Variants in MRPL20 observed in about 807,000 individuals in gnomAD.
MRPL20 encodes mitochondrial ribosomal protein L20.
Under a neutral mutation model 20.0 loss-of-function variants are expected in MRPL20, and 21 were observed. That is an observed-to-expected ratio of 1.05 (90% CI 0.74 to 1.51). The LOEUF (loss-of-function observed/expected upper bound fraction) is 1.51. MRPL20 is among the 40% of genes most tolerant of loss of function. MRPL20 has a pLI of 0.00. For synonymous variants in MRPL20, 104 were observed against 73.0 expected (o/e 1.43, Z -2.17); for missense variants, 252 against 185.6 (o/e 1.36, Z -2.08).
chr1:1,402,280 C>T lies in MRPL20; in HGVS notation c.277-24G>A, dbSNP rs771292094. ...CACTGAAAAAAGAATGAATCAGAACCTGCTGTCAGTGTGAGACACACACTC... is the reference window on the plus strand; with the variant it reads ...CACTGAAAAAAGAATGAATCAGAACTTGCTGTCAGTGTGAGACACACACTC... On this transcript the variant is annotated intron_variant, in intron 3 of 3. Coordinates refer to ENST00000344843, the MANE Select transcript of MRPL20 (RefSeq NM_017971.4). 2.5e-6 allele frequency: 4 copies of T among 1,594,788 alleles called. No individual in the cohort carries two copies. In the East Asian group the frequency reaches 6.7e-5, roughly 27 times the overall value.
chr1:1,405,805 A>T lies in MRPL20; in HGVS notation c.276+4T>A, dbSNP rs17160977. ...TTCAGTGGGACCCACATACTCACCC[A>T]TACCTTAACTAAATTCCCAATGAGC... On this transcript the variant is annotated splice_donor_region_variant and intron_variant, in intron 3 of 3. Transcript: ENST00000344843. 2.1e-5 allele frequency: 34 copies of T among 1,613,944 alleles called. No individual in the cohort carries two copies. Among genetic ancestry groups the T allele is most frequent in the Non-Finnish European group, 2.9e-5 (34 of 1,180,024 alleles).
intron 1 of MRPL20, 52 bp downstream of exon 1, chr1:1,407,079 C>G: frequency 6.2e-7 from 1 of 1,608,644 alleles, no homozygotes. Context: ...CGCCCCTTGG[C>G]CCGCGGGATA....
chr1:1,402,714 G>T, intron 3 of MRPL20: 1 of 811,584 alleles, frequency 1.2e-6, no homozygotes, highest in Non-Finnish European at 1.5e-6. Flanking sequence ...GCAGGGCACG[G>T]TGTCTCGCCT....
intron 3 of MRPL20, among the ~76,000 whole-genome samples, chr1:1,404,147 A>G (rs1486248599): frequency 6.7e-6 from 1 of 149,560 alleles, no homozygotes; most frequent in African/African-American, 2.5e-5. Context: ...ACCCAGCCTC[A>G]TTGTTTTAAC....
chr1:1,407,167 GCGGT>G lies in MRPL20; in HGVS notation c.47_50del (p.Asp16AlafsTer9), dbSNP rs1198288226. The G allele has an allele frequency of 8.1e-6, 13 of 1,608,072 alleles. No individual in the cohort carries two copies. The highest frequency in any genetic ancestry group is 1.0e-5 in the Non-Finnish European group (12 of 1,177,576). ...TCAGCACCTCCTGGATCCGAAAGTA[GCGGT>G]CGGTGACGCGATTCCGCAGCCAGAG... On this transcript the variant is annotated frameshift_variant, in exon 1 of 4. Transcript: ENST00000344843. LOFTEE classifies it high-confidence loss of function.
Position 1,401,961 on chromosome 1 carries a change from T to TCTGTCCCAGAGAGACAGGGCCATCC in MRPL20, c.*97_*121dup. ...AAAACATGGACATCATCTGTGAGGC[T>TCTGTCCCAGAGAGACAGGGCCATCC]CTGTCCCAGAGAGACAGGGCCATCC... On this transcript the variant is annotated 3_prime_UTR_variant, in exon 4 of 4. Transcript: ENST00000344843. 1 of 1,096,782 alleles carries TCTGTCCCAGAGAGACAGGGCCATCC rather than the reference T, an allele frequency of 9.1e-7. No individual in the cohort carries two copies. The highest frequency in any genetic ancestry group is 1.6e-5 in the South Asian group (1 of 63,604). The allele number at this position is 1,096,782 out of a possible 1,614,324, so 67.9% of individuals were successfully genotyped here.
chr1:1,405,789 A>G lies in MRPL20; in HGVS notation c.276+20T>C. On this transcript the variant is annotated intron_variant, in intron 3 of 3. Coordinates refer to ENST00000344843, the MANE Select transcript of MRPL20 (RefSeq NM_017971.4). ...TGCAGATGTCCAGAATTTCAGTGGG[A>G]CCCACATACTCACCCATACCTTAAC... 1 of 1,614,142 alleles carries G rather than the reference A, an allele frequency of 6.2e-7. No homozygotes were observed. The highest frequency in any genetic ancestry group is 8.5e-7 in the Non-Finnish European group (1 of 1,180,030).
Position 1,401,956 on chromosome 1 carries a change from G to A in MRPL20, c.*127C>T, listed in dbSNP as rs2100390428. ...CACACAAAACATGGACATCATCTGT[G>A]AGGCTCTGTCCCAGAGAGACAGGGC... On this transcript the variant is annotated 3_prime_UTR_variant, in exon 4 of 4. Transcript: ENST00000344843. 9.4e-7 allele frequency: 1 copy of A among 1,062,352 alleles called. No homozygotes were observed. The highest frequency in any genetic ancestry group is 1.4e-6 in the Non-Finnish European group (1 of 737,674). The allele number at this position is 1,062,352 out of a possible 1,614,324, so 65.8% of individuals were successfully genotyped here.
chr1:1,404,530 T>G (rs1216182707), intron 3 of MRPL20, among the ~76,000 whole-genome samples: 1 of 151,336 alleles, frequency 6.6e-6, no homozygotes, highest in Non-Finnish European at 1.5e-5. Context: ...AGACAGAGTC[T>G]CACTCTGTTG....
chr1:1,406,738 G>C (rs1379993314), intron 2 of MRPL20, 171 bp downstream of exon 2: 1 of 646,474 alleles, frequency 1.5e-6, no homozygotes, highest in Non-Finnish European at 2.8e-6. Flanking sequence ...GCGGGAGAAC[G>C]GATGTCCCAC....
At position 1,401,917 on chromosome 1, in the gene MRPL20, G is replaced by A; in HGVS notation, c.*166C>T. 1 of 807,112 alleles carries A rather than the reference G, an allele frequency of 1.2e-6. No individual in the cohort carries two copies. Among genetic ancestry groups the A allele is most frequent in the African/African-American group, 1.7e-5 (1 of 58,106 alleles). The allele number at this position is 807,112 out of a possible 1,614,324, so 50.0% of individuals were successfully genotyped here. A position where few individuals can be genotyped will look rare whatever the true frequency, so the allele number is the denominator to read the frequency against. On this transcript the variant is annotated 3_prime_UTR_variant, in exon 4 of 4. Transcript: ENST00000344843. Reference sequence around the variant, plus strand: ...AAAATGACTCTAAAAACTGAAGAGTGTTTGAGTTTCATTCACACAAAACAT... The same window carrying A: ...AAAATGACTCTAAAAACTGAAGAGTATTTGAGTTTCATTCACACAAAACAT...
chr1:1,404,750 C>T (rs777959329), intron 3 of MRPL20, among the ~76,000 whole-genome samples: 1 of 152,146 alleles, frequency 6.6e-6, no homozygotes, highest in Non-Finnish European at 1.5e-5. Context: ...CTGTCCGCCT[C>T]AGCCTTCCAA....
rs946074663 is a variant in MRPL20, at chr1:1,406,723, G to A, written c.198+186C>T. On this transcript the variant is annotated intron_variant, in intron 2 of 3. Transcript: ENST00000344843. ...GCAGGGGGTGACAGTGGGGGTGGCG[G>A]CGGGGCGGGAGAACGGATGTCCCAC... 4.2e-5 allele frequency: 26 copies of A among 619,276 alleles called. 1 individual carries two copies. Among genetic ancestry groups the A allele is most frequent in the African/African-American group, 7.3e-5 (4 of 54,674 alleles). 38.4% of individuals were successfully genotyped at this position (619,276 alleles called of 1,614,324 possible). A position where few individuals can be genotyped will look rare whatever the true frequency, so the allele number is the denominator to read the frequency against.
rs1475885447 is a variant in MRPL20 at position 1,405,808 on chromosome 1, C to T, written c.276+1G>A. The T allele has an allele frequency of 1.2e-6, 2 of 1,614,138 alleles. No individual in the cohort carries two copies. Among genetic ancestry groups the T allele is most frequent in the South Asian group, 1.1e-5 (1 of 91,086 alleles). On this transcript the variant is annotated splice_donor_variant, in intron 3 of 3. Coordinates refer to ENST00000344843, the MANE Select transcript of MRPL20 (RefSeq NM_017971.4). LOFTEE classifies it high-confidence loss of function. ...AGTGGGACCCACATACTCACCCATA[C>T]CTTAACTAAATTCCCAATGAGCGCT...
chr1:1,403,604 C>G (rs1570065335), intron 3 of MRPL20, among the ~76,000 whole-genome samples: 1 of 152,108 alleles, frequency 6.6e-6, no homozygotes, highest in East Asian at 1.9e-4. Context: ...ACCTCCTAAG[C>G]CTACCCTGAA....
chr1:1,406,022 T>C, intron 2 of MRPL20, 136 bp from the exon 3 acceptor site: 1 of 1,288,342 alleles, frequency 7.8e-7, no homozygotes, highest in Non-Finnish European at 1.1e-6. Context: ...GCCATCACTC[T>C]GGCCTAAGCG....
Position 1,404,504 on chromosome 1 carries a change from CT to C in MRPL20, c.276+1304del, listed in dbSNP as rs923907663. On this transcript the variant is annotated intron_variant, in intron 3 of 3. Transcript: ENST00000344843. ...GAAGTTAAAGTCAAGTTTTTCTACACTTTTTTTTTTTTTTGAGACAGAGTCT... is the reference window on the plus strand; with the variant it reads ...GAAGTTAAAGTCAAGTTTTTCTACACTTTTTTTTTTTTTGAGACAGAGTCT... Among the ~76,000 whole-genome samples, 484 of 142,844 alleles carry C rather than the reference CT, an allele frequency of 3.4e-3. 2 individuals carry two copies. The highest frequency in any genetic ancestry group is 4.6e-3 in the African/African-American group (181 of 39,120). 93.7% of individuals were successfully genotyped at this position (142,844 alleles called of 152,430 possible).
At chr1:1,402,934 C>T (rs976982600) in intron 3 of MRPL20, among the ~76,000 whole-genome samples, 6 of 152,088 alleles carry the variant, frequency 3.9e-5, no homozygotes, top group African/African-American at 1.4e-4. Flanking sequence ...CAAGACCATC[C>T]TGGCTAACAC....
At chr1:1,406,447 T>C in intron 2 of MRPL20, 2 of 200,248 alleles carry the variant, frequency 1.0e-5, no homozygotes, top group Non-Finnish European at 2.1e-5. Context: ...GTGGACAGAG[T>C]GGAGGCGCCA....
Sources: allele counts gnomAD v4.1 joint callset (sites outside exome capture counted in the v4.1 genomes callset), GRCh38; gene constraint gnomAD v4.1.1; transcripts MANE v1.5; gene names NCBI Gene and HGNC (gene_info 2026-07-23, HGNC 2026-07-21).